The following CRYBG1 variants were observed in gnomAD, a reference collection of about 807,000 sequenced individuals.
CRYBG1 encodes crystallin beta-gamma domain containing 1.
Under a neutral mutation model 189.2 loss-of-function variants are expected in CRYBG1, and 139 were observed. The observed-to-expected ratio is 0.73, with a 90% CI of 0.64 to 0.85. The LOEUF (loss-of-function observed/expected upper bound fraction) is 0.85, where lower values mean the gene tolerates loss of function less well. Among genes scored for constraint, CRYBG1 ranks in the 40% least tolerant of loss-of-function variants. CRYBG1 has a pLI of 0.00. For synonymous variants in CRYBG1, 1,023 were observed against 1,017.1 expected (o/e 1.01, Z -0.11); for missense variants, 2,611 against 2,675.8 (o/e 0.98, Z 0.53).
intron 1 of CRYBG1, among the ~76,000 whole-genome samples, chr6:106,371,513 C>T (rs1770030647): frequency 6.6e-6 from 1 of 152,290 alleles, no homozygotes; most frequent in South Asian, 2.1e-4. Context: ...TTATTATCAG[C>T]AAAACAAGAA....
rs541591274 is a variant in CRYBG1 at position 106,568,768 on chromosome 6, G to A, written c.*202G>A. 1.1e-5 allele frequency: 5 copies of A among 466,984 alleles called. No homozygotes were observed. The South Asian group carries it at 2.3e-4, about 22-fold the overall frequency. 28.9% of individuals were successfully genotyped at this position (466,984 alleles called of 1,614,324 possible). ...TATCATAGCTTTAAACCAATAATTT[G>A]TCCTCCTTTCATTTCTTGCCTTTCA... On this transcript the variant is annotated 3_prime_UTR_variant, in exon 22 of 22. Transcript: ENST00000633556.
rs1191931176 is a variant in CRYBG1 at position 106,557,410 on chromosome 6, T to C, written c.5716-1076T>C. Among the ~76,000 whole-genome samples the C allele has an allele frequency of 1.2e-3, 6 of 4,914 alleles. No homozygotes were observed. In the Admixed American group the frequency reaches 0.019, roughly 16 times the overall value. 3.2% of individuals were successfully genotyped at this position (4,914 alleles called of 152,430 possible). The stretch of plus-strand genomic sequence containing the variant: ...AATTGTAATCCCCACATGCTTTTAT[T>C]TTTTTTTTTTTTGAAATGGAGTCTC... On this transcript the variant is annotated intron_variant, in intron 17 of 21. Coordinates refer to ENST00000633556, the MANE Select transcript of CRYBG1 (RefSeq NM_001371242.2).
At chr6:106,483,586 T>C in intron 2 of CRYBG1, among the ~76,000 whole-genome samples, 1 of 151,974 alleles carries the variant, frequency 6.6e-6, no homozygotes, top group Non-Finnish European at 1.5e-5. Flanking sequence ...TTTTGAGGAA[T>C]CTCTATATTG....
chr6:106,416,600 T>G lies in CRYBG1; in HGVS notation c.174-35094T>G, dbSNP rs191801549. The stretch of plus-strand genomic sequence containing the variant: ...GCCCAATGTTCTCCAATGTAGAGCT[T>G]TGGCTGAAATTTTGAGATGAGGAGG... On this transcript the variant is annotated intron_variant, in intron 1 of 21. Coordinates refer to ENST00000633556, the MANE Select transcript of CRYBG1 (RefSeq NM_001371242.2). Among the ~76,000 whole-genome samples the G allele has an allele frequency of 2.8e-4, 42 of 152,342 alleles. No homozygotes were observed. The Middle Eastern group carries it at 0.014, about 49-fold the overall frequency.
Position 106,519,664 on chromosome 6 carries a change from A to G in CRYBG1, c.2456A>G (p.Glu819Gly). Residue 819 changes from glutamate (E) to glycine (G), a missense_variant, in exon 4 of 22, where the codon GAG (glutamate) becomes GGG (glycine). By Grantham distance (98) the Glu-to-Gly change is moderately conservative (BLOSUM62 -2). Coordinates refer to ENST00000633556, the MANE Select transcript of CRYBG1 (RefSeq NM_001371242.2). ...AAGCTCTTAGAGAAGGAGGACTCAG[A>G]GGCTGCAGACAGCAAAAGCCTTGTA... The part of the protein sequence containing the change: ...DHKLLEKEDS[E>G]AADSKSLVLE... 2.5e-6 allele frequency: 4 copies of G among 1,614,168 alleles called. No individual in the cohort carries two copies. The highest frequency in any genetic ancestry group is 3.4e-6 in the Non-Finnish European group (4 of 1,179,964).
At position 106,530,379 on chromosome 6, in the gene CRYBG1, G is replaced by T. The variant is rs530024253; in HGVS notation, c.4718+64G>T. The stretch of plus-strand genomic sequence containing the variant: ...TTTTGTGAGTGTAGTACTGGAAAAA[G>T]AGGACTTAAGATACTCTGACTCTAA... On this transcript the variant is annotated intron_variant, in intron 8 of 21. Transcript: ENST00000633556. 3,863 of 1,457,424 alleles carry T rather than the reference G, an allele frequency of 2.7e-3. 11 individuals are homozygous for T. Among genetic ancestry groups the T allele is most frequent in the Non-Finnish European group, 2.9e-3 (3,089 of 1,075,942 alleles). 90.3% of individuals were successfully genotyped at this position (1,457,424 alleles called of 1,614,324 possible). A position where few individuals can be genotyped will look rare whatever the true frequency, so the allele number is the denominator to read the frequency against.
chr6:106,448,324 A>G (rs940933960), intron 1 of CRYBG1, among the ~76,000 whole-genome samples: 2 of 152,180 alleles, frequency 1.3e-5, no homozygotes, highest in African/African-American at 4.8e-5. Flanking sequence ...TGGGTATACC[A>G]CACACACTCA....
chr6:106,512,189 G>T lies in CRYBG1; in HGVS notation c.1072G>T (p.Ala358Ser). Residue 358 changes from alanine (A) to serine (S), a missense_variant, in exon 3 of 22, where the codon GCG (alanine) becomes TCG (serine). Physicochemically the swap from Ala to Ser is moderately conservative, Grantham distance 99 (BLOSUM62 1). Coordinates refer to ENST00000633556, the MANE Select transcript of CRYBG1 (RefSeq NM_001371242.2). Reference sequence around the variant, plus strand: ...GGGCGCAGCGCACACGGCCAGCTCCGCGCAGGCAGACTGCACAGCCCGCCC... The same window carrying T: ...GGGCGCAGCGCACACGGCCAGCTCCTCGCAGGCAGACTGCACAGCCCGCCC... Reference protein sequence around the residue: ...AEGAAHTASSAQADCTARPKG... With the variant: ...AEGAAHTASSSQADCTARPKG... 3 of 1,535,486 alleles carry T rather than the reference G, an allele frequency of 2.0e-6. No individual in the cohort carries two copies. Among genetic ancestry groups the T allele is most frequent in the Non-Finnish European group, 2.6e-6 (3 of 1,146,440 alleles).
At chr6:106,390,114 A>C (rs1488330870) in intron 1 of CRYBG1, among the ~76,000 whole-genome samples, 2 of 152,138 alleles carry the variant, frequency 1.3e-5, no homozygotes, top group Admixed American at 6.5e-5. Context: ...CAGTTTAATT[A>C]ATTTTATCCA....
In CRYBG1 at chr6:106,512,482, C is replaced by A. The variant is rs1218304565; in HGVS notation, c.1365C>A (p.Asn455Lys). 1.2e-6 allele frequency: 2 copies of A among 1,611,244 alleles called. No individual in the cohort carries two copies. Among genetic ancestry groups the A allele is most frequent in the East Asian group, 2.2e-5 (1 of 44,830 alleles). Residue 455 changes from asparagine to lysine, a missense_variant, in exon 3 of 22, where the codon AAC becomes AAA. Around this residue, in one of 3 missense-constraint regions of CRYBG1, gnomAD observed 985 missense variants for 924.4 expected, o/e 1.07. Coordinates refer to ENST00000633556, the MANE Select transcript of CRYBG1 (RefSeq NM_001371242.2). ...DAVFDDEVAP[N>K]AASDNASAEK... ...TGTTCGACGACGAGGTGGCGCCAAA[C>A]GCGGCCAGCGATAACGCCTCGGCGG...
intron 1 of CRYBG1, among the ~76,000 whole-genome samples, chr6:106,364,510 GT>G (rs1405253726): frequency 3.3e-5 from 5 of 151,764 alleles, no homozygotes; most frequent in South Asian, 4.2e-4. Flanking sequence ...TACTCTTAAA[GT>G]TTTTTTTCAG....
At chr6:106,538,761 T>G (rs1316381807) in intron 8 of CRYBG1, among the ~76,000 whole-genome samples, 1 of 151,886 alleles carries the variant, frequency 6.6e-6, no homozygotes, top group Non-Finnish European at 1.5e-5. Flanking sequence ...TCGGATGTGG[T>G]GGTGTGTGCC....
chr6:106,447,319 A>G (rs1771681956), intron 1 of CRYBG1, among the ~76,000 whole-genome samples: 1 of 152,178 alleles, frequency 6.6e-6, no homozygotes, highest in Non-Finnish European at 1.5e-5. Context: ...TAAAACTAAA[A>G]TTAACCCTTT....
At chr6:106,491,971 T>C (rs1247480823) in intron 2 of CRYBG1, among the ~76,000 whole-genome samples, 1 of 152,158 alleles carries the variant, frequency 6.6e-6, no homozygotes. Context: ...GTGCCTGGTG[T>C]CATTTGGTTG....
At position 106,519,187 on chromosome 6, in the gene CRYBG1, G is replaced by T; in HGVS notation, c.1979G>T (p.Ser660Ile). The T allele has an allele frequency of 6.2e-7, 1 of 1,614,090 alleles. No homozygotes were observed. Among genetic ancestry groups the T allele is most frequent in the Non-Finnish European group, 8.5e-7 (1 of 1,180,032 alleles). Residue 660 changes from serine (S) to isoleucine (I), a missense_variant, in exon 4 of 22, where the codon AGT becomes ATT. This residue lies in a region of CRYBG1 where 985 missense variants were observed against 924.4 expected (regional missense o/e 1.07). Coordinates refer to ENST00000633556, the MANE Select transcript of CRYBG1 (RefSeq NM_001371242.2). ...LNLKTPKNLD[S>I]LGNEHNPFSQ... is the part of the protein sequence containing the mutation. ...CTTAAAACCCCTAAGAATCTTGACA[G>T]TTTGGGAAATGAGCACAATCCATTT...
chr6:106,568,141 T>C lies in CRYBG1; in HGVS notation c.6302-331T>C, dbSNP rs112069870. 5.0e-3 allele frequency among the ~76,000 whole-genome samples: 743 copies of C among 147,756 alleles called. 5 individuals are homozygous for C. Among genetic ancestry groups the C allele is most frequent in the African/African-American group, 0.018 (699 of 39,016 alleles). ...TTACTCCTTTTCCCTTCTCTCGGGT[T>C]TTCCCAGTTCCCTTGAATTTCAGAC... On this transcript the variant is annotated intron_variant, in intron 21 of 21. Coordinates refer to ENST00000633556, the MANE Select transcript of CRYBG1 (RefSeq NM_001371242.2).
rs1304951320 is a variant in CRYBG1, at chr6:106,511,812, CACCCCAATTAGA to C, written c.699_710del (p.Gln234_Pro237del). Reference sequence around the variant, plus strand: ...GTGCAGCAGTGCCATGAAAATGATTCACCCCAATTAGAACCTCTGGAGGCAGAGGGAGAGCCT... The same window carrying C: ...GTGCAGCAGTGCCATGAAAATGATTCACCTCTGGAGGCAGAGGGAGAGCCT... On this transcript the variant is annotated inframe_deletion, in exon 3 of 22. Transcript: ENST00000633556. 7.2e-6 allele frequency: 11 copies of C among 1,524,858 alleles called. No homozygotes were observed. The highest frequency in any genetic ancestry group is 8.8e-6 in the Non-Finnish European group (10 of 1,140,008). 94.5% of individuals were successfully genotyped at this position (1,524,858 alleles called of 1,614,324 possible).
chr6:106,376,548 G>C (rs1770166988), intron 1 of CRYBG1, among the ~76,000 whole-genome samples: 1 of 151,984 alleles, frequency 6.6e-6, no homozygotes, highest in Admixed American at 6.6e-5. Flanking sequence ...TTGTTACTTC[G>C]CAGAAGGCCA....
In CRYBG1 at chr6:106,512,690, G is replaced by A. The variant is rs1219389505; in HGVS notation, c.1573G>A (p.Val525Met). 3 of 1,540,974 alleles carry A rather than the reference G, an allele frequency of 1.9e-6. No individual in the cohort carries two copies. Among genetic ancestry groups the A allele is most frequent in the Non-Finnish European group, 2.6e-6 (3 of 1,143,346 alleles). Reference protein sequence around the residue: ...RKGRSRALEAVPAPPASGPRA... With the variant: ...RKGRSRALEAMPAPPASGPRA... ...GGGCAGGAGCCGTGCCCTCGAGGCC[G>A]TGCCCGCCCCGCCCGCCAGCGGCCC... is the stretch of plus-strand genomic sequence containing the variant. Residue 525 changes from valine to methionine, a missense_variant, in exon 3 of 22, where the codon GTG becomes ATG. This residue lies in a region of CRYBG1 where 985 missense variants were observed against 924.4 expected (regional missense o/e 1.07). Transcript: ENST00000633556.
Sources: allele counts gnomAD v4.1 joint callset (sites outside exome capture counted in the v4.1 genomes callset), GRCh38; gene constraint gnomAD v4.1.1; regional missense constraint gnomAD v4.1.1; transcripts MANE v1.5; gene names NCBI Gene and HGNC (gene_info 2026-07-23, HGNC 2026-07-21).